CCSER1: variants seen among roughly 807,000 people sequenced by gnomAD.
CCSER1 encodes the protein coiled-coil serine rich protein 1.
A neutral mutation model predicts 82.0 loss-of-function variants in CCSER1; 41 were observed. The ratio of observed to expected loss-of-function variants is 0.50; its 90% CI spans 0.39 to 0.65. The LOEUF (loss-of-function observed/expected upper bound fraction) is 0.65, where lower values mean the gene tolerates loss of function less well. CCSER1 is among the 30% of genes least tolerant of loss of function. CCSER1 has a pLI of 0.00. For synonymous variants in CCSER1, 414 were observed against 383.9 expected (o/e 1.08, Z -0.92); for missense variants, 1,119 against 1,064.2 (o/e 1.05, Z -0.72).
At chr4:90,631,580 C>T (rs929850591) in intron 6 of CCSER1, among the ~76,000 whole-genome samples, 8 of 152,214 alleles carry the variant, frequency 5.3e-5, no homozygotes, top group East Asian at 1.9e-4. Flanking sequence ...TAATGACTAG[C>T]GGCTAGAAGG....
At chr4:90,294,594 C>A (rs1731511503) in intron 1 of CCSER1, among the ~76,000 whole-genome samples, 1 of 151,950 alleles carries the variant, frequency 6.6e-6, no homozygotes. Flanking sequence ...GTGTATCTTC[C>A]AAGTTGCTTT....
chr4:90,540,039 T>A (rs1374261129), intron 5 of CCSER1, among the ~76,000 whole-genome samples: 1 of 152,052 alleles, frequency 6.6e-6, no homozygotes, highest in Non-Finnish European at 1.5e-5. Flanking sequence ...AAGTTATCTA[T>A]AAGGAACGGA....
chr4:91,225,397 C>A (rs377360566), intron 10 of CCSER1, among the ~76,000 whole-genome samples: 5 of 134,450 alleles, frequency 3.7e-5, no homozygotes, highest in South Asian at 2.2e-4. Context: ...TATATATATT[C>A]ATATATATTA....
chr4:90,827,624 T>C (rs1760633352), intron 8 of CCSER1, among the ~76,000 whole-genome samples: 1 of 152,142 alleles, frequency 6.6e-6, no homozygotes, highest in Non-Finnish European at 1.5e-5. Flanking sequence ...TCATGGACAC[T>C]CTTTATATTT....
intron 9 of CCSER1, among the ~76,000 whole-genome samples, chr4:91,050,287 C>T (rs1401578612): frequency 2.0e-5 from 3 of 151,996 alleles, no homozygotes; most frequent in East Asian, 3.9e-4. Flanking sequence ...AAAAATGAAC[C>T]GGGCATGGTG....
At chr4:90,255,631 A>G (rs1723144022) in intron 1 of CCSER1, among the ~76,000 whole-genome samples, 1 of 151,456 alleles carries the variant, frequency 6.6e-6, no homozygotes, top group Non-Finnish European at 1.5e-5. Context: ...TGTTTTTAAA[A>G]TAAGTTTTAC....
At chr4:90,807,526 G>C (rs564266516) in intron 7 of CCSER1, among the ~76,000 whole-genome samples, 12 of 152,146 alleles carry the variant, frequency 7.9e-5, no homozygotes, top group African/African-American at 2.9e-4. Context: ...GGCCAAGGTA[G>C]GAAGTTTGAG....
intron 10 of CCSER1, among the ~76,000 whole-genome samples, chr4:91,540,117 G>T (rs558093401): frequency 7.9e-5 from 12 of 152,170 alleles, no homozygotes; most frequent in Non-Finnish European, 1.2e-4. Context: ...AAAATTGAAT[G>T]AAAACTATGA....
At chr4:91,107,036 C>T (rs1265984624) in intron 10 of CCSER1, among the ~76,000 whole-genome samples, 1 of 152,090 alleles carries the variant, frequency 6.6e-6, no homozygotes, top group Non-Finnish European at 1.5e-5. Flanking sequence ...AACATATTTT[C>T]ACTGTAGCTT....
chr4:91,122,416 C>A (rs1727164004), intron 10 of CCSER1, among the ~76,000 whole-genome samples: 1 of 151,700 alleles, frequency 6.6e-6, no homozygotes, highest in Admixed American at 6.6e-5. Flanking sequence ...AGCAACTTGA[C>A]ATTTTTTTTC....
At chr4:91,332,899 A>G (rs1407282819) in intron 10 of CCSER1, among the ~76,000 whole-genome samples, 2 of 152,176 alleles carry the variant, frequency 1.3e-5, no homozygotes, top group East Asian at 1.9e-4. Context: ...CCCATTAAAA[A>G]TGGCCACATA....
chr4:91,256,649 A>G (rs1177185652), intron 10 of CCSER1, among the ~76,000 whole-genome samples: 1 of 152,186 alleles, frequency 6.6e-6, no homozygotes, highest in East Asian at 1.9e-4. Context: ...GTGCTGAAAT[A>G]TTAGGGGCTG....
intron 1 of CCSER1, among the ~76,000 whole-genome samples, chr4:90,299,835 G>C (rs59304171): frequency 0.014 from 2,189 of 152,166 alleles, 33 homozygotes; most frequent in African/African-American, 0.043. Flanking sequence ...AATTAGGTAA[G>C]ACTGGGAAAT....
chr4:90,673,960 A>T (rs1053442888), intron 6 of CCSER1, among the ~76,000 whole-genome samples: 14 of 151,952 alleles, frequency 9.2e-5, no homozygotes, highest in African/African-American at 3.4e-4. Flanking sequence ...CTTATGACAG[A>T]AGGCAGTTTT....
At chr4:90,323,400 C>T (rs1737527095) in intron 3 of CCSER1, among the ~76,000 whole-genome samples, 1 of 152,198 alleles carries the variant, frequency 6.6e-6, no homozygotes, top group Non-Finnish European at 1.5e-5. Context: ...GGTGGTGGAG[C>T]TAGCTGGAGC....
At chr4:90,204,859 CTT>C (rs1315611578) in intron 1 of CCSER1, among the ~76,000 whole-genome samples, 2 of 152,080 alleles carry the variant, frequency 1.3e-5, no homozygotes, top group Non-Finnish European at 2.9e-5. Flanking sequence ...TGTGTCCTCT[CTT>C]ATTTCTTTGA....
At chr4:91,461,438 T>C (rs1422362180) in intron 10 of CCSER1, among the ~76,000 whole-genome samples, 3 of 152,044 alleles carry the variant, frequency 2.0e-5, no homozygotes, top group African/African-American at 7.2e-5. Context: ...TTTGCACACA[T>C]GTAGTTTAGT....
chr4:91,118,823 A>G (rs917910077), intron 10 of CCSER1, among the ~76,000 whole-genome samples: 2 of 152,144 alleles, frequency 1.3e-5, no homozygotes, highest in Non-Finnish European at 1.5e-5. Context: ...AATGGGTACT[A>G]TGATCAACTC....
At chr4:90,560,898 TA>T (rs906561933) in intron 5 of CCSER1, among the ~76,000 whole-genome samples, 3 of 152,228 alleles carry the variant, frequency 2.0e-5, no homozygotes, top group Non-Finnish European at 4.4e-5. Context: ...TAAAAAGCTT[TA>T]TGAAAAATAA....
Sources: gnomAD v4.1 joint callset for allele counts (sites outside exome capture counted in the v4.1 genomes callset) on GRCh38, gnomAD v4.1.1 for gene constraint, MANE v1.5 for transcripts, NCBI Gene and HGNC (gene_info 2026-07-23, HGNC 2026-07-21) for gene names.